Variants in PCDHA1 observed in about 807,000 individuals in gnomAD.
PCDHA1 encodes protocadherin alpha 1, also known as protocadherin alpha-1.
PCDHA1 carries 42 observed loss-of-function variants against 61.3 expected under a neutral mutation model. The observed-to-expected ratio is 0.69, with a 90% CI of 0.54 to 0.89. The LOEUF (loss-of-function observed/expected upper bound fraction) is 0.89, where lower values mean the gene tolerates loss of function less well. Among genes scored for constraint, PCDHA1 ranks in the 40% least tolerant of loss-of-function variants. The pLI is 0.00. For synonymous variants in PCDHA1, 610 were observed against 553.8 expected (o/e 1.10, Z -1.43); for missense variants, 1,256 against 1,235.3 (o/e 1.02, Z -0.25).
intron 1 of PCDHA1, chr5:140,882,427 G>A: frequency 6.2e-7 from 1 of 1,614,090 alleles, no homozygotes; most frequent in Non-Finnish European, 8.5e-7. Flanking sequence ...AGGACCTGGG[G>A]CTGGAGCTGG....
rs189094380 is a variant in PCDHA1 at position 140,918,016 on chromosome 5, T to C, written c.2395-60933T>C. Among the ~76,000 whole-genome samples the C allele has an allele frequency of 1.3e-4, 20 of 152,344 alleles. No individual in the cohort carries two copies. The East Asian group carries it at 3.9e-3, about 29-fold the overall frequency. ...TTATCTTAACAATGTTGTTTCTTCC[T>C]ACCCATGAGCGTGGAAGGTCTTTCC... On this transcript the variant is annotated intron_variant, in intron 1 of 3. Transcript: ENST00000504120.
intron 1 of PCDHA1, chr5:140,809,625 C>T (rs782420889): frequency 4.6e-6 from 7 of 1,508,084 alleles, no homozygotes; most frequent in Non-Finnish European, 6.2e-6. Context: ...TCTCTATCAA[C>T]TTCTTCGTAA....
At chr5:141,009,095 A>G (rs1304233331) in intron 3 of PCDHA1, among the ~76,000 whole-genome samples, 3 of 152,214 alleles carry the variant, frequency 2.0e-5, no homozygotes, top group Admixed American at 6.5e-5. Context: ...AGAACCAAAC[A>G]TATGTTACTA....
intron 1 of PCDHA1, chr5:140,830,508 C>G: frequency 7.1e-7 from 1 of 1,415,164 alleles, no homozygotes; most frequent in African/African-American, 1.4e-5. Context: ...TCATAATTAA[C>G]AGTTAATTTT....
intron 3 of PCDHA1, among the ~76,000 whole-genome samples, chr5:140,985,666 A>G (rs547448150): frequency 1.3e-5 from 2 of 151,942 alleles, no homozygotes; most frequent in South Asian, 4.2e-4. Flanking sequence ...GAATAAAGGA[A>G]GTGGGGCCTG....
chr5:140,870,356 G>C lies in PCDHA1; in HGVS notation c.2394+81672G>C, dbSNP rs17119218. On this transcript the variant is annotated intron_variant, in intron 1 of 3. Coordinates refer to ENST00000504120, the MANE Select transcript of PCDHA1 (RefSeq NM_018900.4). ...AGCGCCCTGGACCGCGAGAACGTGT[G>C]GGCCTATGAACTGGTGGTGACTGCG... 1,853 of 1,614,212 alleles carry C rather than the reference G, an allele frequency of 1.1e-3. 14 individuals are homozygous for C. In the African/African-American group the frequency reaches 0.018, roughly 16 times the overall value.
At chr5:140,833,928 T>C (rs954480952) in intron 1 of PCDHA1, among the ~76,000 whole-genome samples, 1 of 152,174 alleles carries the variant, frequency 6.6e-6, no homozygotes, top group Admixed American at 6.6e-5. Context: ...TAAATTCATG[T>C]TGTCACTTAG....
rs1307872758 is a variant in PCDHA1, at chr5:140,858,559, T to A, written c.2394+69875T>A. The A allele has an allele frequency of 2.2e-6, 3 of 1,382,404 alleles. No homozygotes were observed. The African/African-American group carries it at 4.3e-5, about 20-fold the overall frequency. The allele number at this position is 1,382,404 out of a possible 1,614,324, so 85.6% of individuals were successfully genotyped here. On this transcript the variant is annotated intron_variant, in intron 1 of 3. Coordinates refer to ENST00000504120, the MANE Select transcript of PCDHA1 (RefSeq NM_018900.4). The stretch of plus-strand genomic sequence containing the variant: ...CTACATTCCATTTATGCTTGAATAT[T>A]TCTAGTGATACCTTTGTAATATAAT...
chr5:140,873,534 T>C (rs1274405604), intron 1 of PCDHA1, among the ~76,000 whole-genome samples: 1 of 152,184 alleles, frequency 6.6e-6, no homozygotes, highest in Non-Finnish European at 1.5e-5. Context: ...CATTCTATGG[T>C]ATAAAATTAT....
rs144770143 is a variant in PCDHA1 at position 140,947,157 on chromosome 5, G to A, written c.2395-31792G>A. Among the ~76,000 whole-genome samples the A allele has an allele frequency of 6.6e-3, 992 of 151,208 alleles. 6 individuals are homozygous for A. The highest frequency in any genetic ancestry group is 0.022 in the African/African-American group (913 of 41,346). ...TAAAATGTATAGTTACTTCCACGGG[G>A]TAGAAAATGTGGTATATATTCATGG... On this transcript the variant is annotated intron_variant, in intron 1 of 3. Transcript: ENST00000504120.
Position 140,788,456 on chromosome 5 carries a change from G to C in PCDHA1, c.2166G>C (p.Arg722=). The change falls in exon 1 of 4, where the codon CGG becomes CGC. Residue 722 remains arginine (R), a synonymous_variant. Transcript: ENST00000504120. ...CACTGCTGCTGTACACGGCGCTGCGGTGCTCAGTGCCGCCCACTGAGGGTG... is the reference window on the plus strand; with the variant it reads ...CACTGCTGCTGTACACGGCGCTGCGCTGCTCAGTGCCGCCCACTGAGGGTG... ...VLTLLLYTAL[R]CSVPPTEGAY... 1 of 1,614,116 alleles carries C rather than the reference G, an allele frequency of 6.2e-7. No individual in the cohort carries two copies. The highest frequency in any genetic ancestry group is 8.5e-7 in the Non-Finnish European group (1 of 1,180,000).
At chr5:140,839,581 G>GTAA (rs1206355864) in intron 1 of PCDHA1, among the ~76,000 whole-genome samples, 1 of 151,754 alleles carries the variant, frequency 6.6e-6, no homozygotes, top group Non-Finnish European at 1.5e-5. Flanking sequence ...GTAGAGATGG[G>GTAA]GTCTTACCAT....
At chr5:140,854,871 T>A (rs2043250879) in intron 1 of PCDHA1, among the ~76,000 whole-genome samples, 2 of 149,910 alleles carry the variant, frequency 1.3e-5, no homozygotes, top group South Asian at 4.2e-4. Context: ...ATTTCAGAAC[T>A]GTGTCTTTTG....
In PCDHA1 at chr5:140,787,769, G is replaced by C. The variant is rs201459979; in HGVS notation, c.1479G>C (p.Ser493=). The C allele has an allele frequency of 2.4e-5, 39 of 1,613,018 alleles. No individual in the cohort carries two copies. The highest frequency in any genetic ancestry group is 3.1e-5 in the Non-Finnish European group (36 of 1,179,840). Residue 493 remains serine, a synonymous_variant, in exon 1 of 4, where the codon TCG becomes TCC. Transcript: ENST00000504120. ...DAQENALVSY[S]LVERRVGERA... ...AGGAGAACGCGCTGGTGTCCTATTC[G>C]CTGGTGGAACGGCGGGTGGGCGAGC...
intron 1 of PCDHA1, chr5:140,802,821 G>T: frequency 1.9e-6 from 3 of 1,613,484 alleles, no homozygotes; most frequent in African/African-American, 1.3e-5. Context: ...CGATGCGGGC[G>T]TGCCGCCTCT....
In PCDHA1 at chr5:140,793,724, A is replaced by G. The variant is rs80335772; in HGVS notation, c.2394+5040A>G. Among the ~76,000 whole-genome samples, 635 of 152,270 alleles carry G rather than the reference A, an allele frequency of 4.2e-3. 8 individuals carry two copies. The highest frequency in any genetic ancestry group is 0.015 in the African/African-American group (604 of 41,570). Reference sequence around the variant, plus strand: ...ATTTTCATTTTTTTACTGTGAAGGGATCAGCTAAAAATTAACAAAAGAAGA... The same window carrying G: ...ATTTTCATTTTTTTACTGTGAAGGGGTCAGCTAAAAATTAACAAAAGAAGA... On this transcript the variant is annotated intron_variant, in intron 1 of 3. Coordinates refer to ENST00000504120, the MANE Select transcript of PCDHA1 (RefSeq NM_018900.4).
Position 140,787,142 on chromosome 5 carries a change from T to C in PCDHA1, c.852T>C (p.Gly284=). ...NGEVVFSFDS[G]ISRDIQEKFK... ...AAGTCGTCTTTTCCTTTGACAGTGG[T>C]ATTTCTCGTGACATTCAAGAAAAAT... Residue 284 remains glycine (G), a synonymous_variant, in exon 1 of 4, where the codon GGT becomes GGC. Transcript: ENST00000504120. 1 of 1,614,022 alleles carries C rather than the reference T, an allele frequency of 6.2e-7. No individual in the cohort carries two copies. Among genetic ancestry groups the C allele is most frequent in the Non-Finnish European group, 8.5e-7 (1 of 1,179,952 alleles).
intron 1 of PCDHA1, chr5:140,966,679 G>T: frequency 1.5e-6 from 2 of 1,317,678 alleles, no homozygotes; most frequent in Admixed American, 3.8e-5. Context: ...AGGGTGGCAC[G>T]AGCGGAGGCG....
chr5:140,890,056 C>T (rs2062472126), intron 1 of PCDHA1, among the ~76,000 whole-genome samples: 1 of 152,124 alleles, frequency 6.6e-6, no homozygotes, highest in African/African-American at 2.4e-5. Flanking sequence ...GGAGCTGGCT[C>T]TTTTACTGGC....
Sources: allele counts gnomAD v4.1 joint callset (sites outside exome capture counted in the v4.1 genomes callset), GRCh38; gene constraint gnomAD v4.1.1; transcripts MANE v1.5; gene names NCBI Gene and HGNC (gene_info 2026-07-23, HGNC 2026-07-21).